AHI1: variants seen among roughly 807,000 people sequenced by gnomAD.
The protein encoded by AHI1 is jouberin.
AHI1 carries 123 observed loss-of-function variants against 149.3 expected under a neutral mutation model. The ratio of observed to expected loss-of-function variants is 0.82; its 90% confidence interval spans 0.71 to 0.96. The LOEUF (loss-of-function observed/expected upper bound fraction) is 0.96. AHI1 is among the 40% of genes least tolerant of loss of function. The pLI is 0.00. For synonymous variants in AHI1, 475 were observed against 459.8 expected (o/e 1.03, Z -0.42); for missense variants, 1,439 against 1,422.7 (o/e 1.01, Z -0.18).
chr6:135,353,205 T>C (rs1792431744), intron 24 of AHI1, among the ~76,000 whole-genome samples: 1 of 152,158 alleles, frequency 6.6e-6, no homozygotes, highest in Admixed American at 6.5e-5. Context: ...TTTGCATTTA[T>C]ATTTGAATTT....
chr6:135,320,075 G>T (rs1008468242), intron 25 of AHI1, among the ~76,000 whole-genome samples: 1 of 152,152 alleles, frequency 6.6e-6, no homozygotes, highest in African/African-American at 2.4e-5. Context: ...ACTAGAATAT[G>T]CTACTGACAG....
In AHI1 at chr6:135,394,784, G is replaced by A. The variant is rs1445033875; in HGVS notation, c.3101C>T (p.Thr1034Ile). The A allele has an allele frequency of 1.4e-5, 23 of 1,610,376 alleles. No individual in the cohort carries two copies. Among genetic ancestry groups the A allele is most frequent in the Non-Finnish European group, 2.0e-5 (23 of 1,177,968 alleles). Residue 1034 changes from threonine (T) to isoleucine (I), a missense_variant, in exon 23 of 29, where the codon ACT becomes ATT. By Grantham distance (89) the Thr-to-Ile change is moderately conservative. Transcript: ENST00000265602. Reference protein sequence around the residue: ...AQEILHQFGFTQTGIISIERK... With the variant: ...AQEILHQFGFIQTGIISIERK... Reference sequence around the variant, plus strand: ...GTAAGAAAGGGGCTCACCGGTCTGAGTGAAACCAAACTGATGTAGAATCTC... The same window carrying A: ...GTAAGAAAGGGGCTCACCGGTCTGAATGAAACCAAACTGATGTAGAATCTC...
At chr6:135,357,828 A>C (rs1251511263) in intron 24 of AHI1, among the ~76,000 whole-genome samples, 1 of 152,218 alleles carries the variant, frequency 6.6e-6, no homozygotes, top group African/African-American at 2.4e-5. Context: ...GTAACCTATA[A>C]GAGAAATGAA....
chr6:135,436,008 T>C (rs528966618), intron 15 of AHI1, among the ~76,000 whole-genome samples: 1 of 152,106 alleles, frequency 6.6e-6, no homozygotes, highest in Admixed American at 6.5e-5. Context: ...GAAAACAAAA[T>C]TTAAGGAGGT....
chr6:135,387,539 T>C (rs940914025), intron 23 of AHI1, among the ~76,000 whole-genome samples: 5 of 152,356 alleles, frequency 3.3e-5, no homozygotes, highest in Admixed American at 2.0e-4. Flanking sequence ...TTAAGTGTTC[T>C]AGTGGATTAC....
At chr6:135,312,971 T>C (rs1376958218) in intron 26 of AHI1, among the ~76,000 whole-genome samples, 1 of 152,204 alleles carries the variant, frequency 6.6e-6, no homozygotes, top group Non-Finnish European at 1.5e-5. Context: ...AAATATCTGA[T>C]AGACTCTGTG....
At chr6:135,482,914 C>T (rs1793925012) in intron 5 of AHI1, among the ~76,000 whole-genome samples, 1 of 666 alleles carries the variant, frequency 1.5e-3, no homozygotes. Flanking sequence ...TTTTTTGAGA[C>T]AGAGTCTCAC....
chr6:135,306,567 C>T (rs111905384), intron 26 of AHI1, among the ~76,000 whole-genome samples: 8 of 152,236 alleles, frequency 5.3e-5, no homozygotes, highest in Admixed American at 1.3e-4. Context: ...CCACGGGCCT[C>T]GCTGAGGAAA....
Position 135,394,911 on chromosome 6 carries a change from C to T in AHI1, c.2989-15G>A. 1 of 1,584,418 alleles carries T rather than the reference C, an allele frequency of 6.3e-7. No individual in the cohort carries two copies. Among genetic ancestry groups the T allele is most frequent in the Non-Finnish European group, 8.6e-7 (1 of 1,163,684 alleles). Reference sequence around the variant, plus strand: ...TTTTTGTTGACCTGTATTAGGAAAACAAATCAGAAACTACAGTGTAATTTC... The same window carrying T: ...TTTTTGTTGACCTGTATTAGGAAAATAAATCAGAAACTACAGTGTAATTTC... On this transcript the variant is annotated splice_polypyrimidine_tract_variant and intron_variant, in intron 22 of 28. Transcript: ENST00000265602.
intron 24 of AHI1, among the ~76,000 whole-genome samples, chr6:135,330,059 A>G (rs1462110970): frequency 6.6e-6 from 1 of 152,254 alleles, no homozygotes; most frequent in Non-Finnish European, 1.5e-5. Context: ...GTTTCTTCAG[A>G]TGGAATCTAC....
intron 6 of AHI1, among the ~76,000 whole-genome samples, chr6:135,466,755 C>T (rs1261863179): frequency 6.6e-6 from 1 of 152,164 alleles, no homozygotes; most frequent in Non-Finnish European, 1.5e-5. Context: ...CATTTCAGGT[C>T]ACCCAATAGG....
chr6:135,300,902 T>A (rs1783793253), intron 26 of AHI1: 1 of 1,006,942 alleles, frequency 9.9e-7, no homozygotes, highest in African/African-American at 1.7e-5. Flanking sequence ...TCTAAATATA[T>A]CTTTTAGCCT....
intron 23 of AHI1, among the ~76,000 whole-genome samples, chr6:135,358,689 G>GA (rs999833939): frequency 5.3e-5 from 8 of 152,148 alleles, no homozygotes; most frequent in African/African-American, 1.9e-4. Context: ...AGTATCTGAA[G>GA]AAAAATGTTC....
At chr6:135,392,261 T>G (rs1189143335) in intron 23 of AHI1, among the ~76,000 whole-genome samples, 2 of 152,102 alleles carry the variant, frequency 1.3e-5, no homozygotes, top group African/African-American at 4.8e-5. Flanking sequence ...GATTTTAGAA[T>G]GAATAAATGA....
intron 24 of AHI1, among the ~76,000 whole-genome samples, chr6:135,356,064 A>G (rs2614258): frequency 0.72 from 109,565 of 152,148 alleles, 40,755 homozygotes; most frequent in African/African-American, 0.93. Context: ...GAACGTGGGC[A>G]TGAAAATGGG....
rs373466889 is a variant in AHI1 at position 135,463,204 on chromosome 6, T to C, written c.852A>G (p.Ser284=). 97 of 1,610,024 alleles carry C rather than the reference T, an allele frequency of 6.0e-5. No individual in the cohort carries two copies. Among genetic ancestry groups the C allele is most frequent in the Non-Finnish European group, 8.0e-5 (94 of 1,179,368 alleles). ...SDSHQDDEIS[S]MEQSTEDSMQ... is the part of the protein sequence containing the mutation. ...TGCTGTCTTCTGTGCTTTGTTCCAT[T>C]GAGCTTATTTCATCATCTTGATGAG... The change falls in exon 8 of 29, where the codon TCA becomes TCG. Residue 284 remains serine, a synonymous_variant. Transcript: ENST00000265602.
chr6:135,481,724 T>C (rs1327386643), intron 5 of AHI1, among the ~76,000 whole-genome samples: 2 of 150,530 alleles, frequency 1.3e-5, no homozygotes, highest in East Asian at 3.9e-4. Flanking sequence ...TTTTAACACT[T>C]TTTTATACTA....
chr6:135,466,382 A>G lies in AHI1; in HGVS notation c.190-9T>C, dbSNP rs548312029. 1.6e-5 allele frequency: 25 copies of G among 1,608,302 alleles called. No individual in the cohort carries two copies. The highest frequency in any genetic ancestry group is 1.5e-5 in the Non-Finnish European group (18 of 1,176,692). ...CTTCTAATAGTGTCGGGCTAGGAAAAGAAGACATGATAACAAAGTTTCAGT... is the reference window on the plus strand; with the variant it reads ...CTTCTAATAGTGTCGGGCTAGGAAAGGAAGACATGATAACAAAGTTTCAGT... On this transcript the variant is annotated splice_polypyrimidine_tract_variant and intron_variant, in intron 6 of 28. Transcript: ENST00000265602.
chr6:135,321,715 T>C (rs1786857917), intron 25 of AHI1, among the ~76,000 whole-genome samples: 1 of 152,238 alleles, frequency 6.6e-6, no homozygotes, highest in Non-Finnish European at 1.5e-5. Context: ...CCAATTATTA[T>C]TTATAATAAT....
Sources: gnomAD v4.1 joint callset for allele counts (sites outside exome capture counted in the v4.1 genomes callset) on GRCh38, gnomAD v4.1.1 for gene constraint, MANE v1.5 for transcripts, NCBI Gene and HGNC (gene_info 2026-07-23, HGNC 2026-07-21) for gene names.